The following WWC2 variants were observed in gnomAD, a reference collection of about 807,000 sequenced individuals.
WWC2 encodes WW and C2 domain containing 2, also known as protein WWC2.
WWC2 carries 101 observed loss-of-function variants against 138.5 expected under a neutral mutation model. The observed-to-expected ratio is 0.73, with a 90% CI of 0.62 to 0.86. The LOEUF (loss-of-function observed/expected upper bound fraction) is 0.86, where lower values mean the gene tolerates loss of function less well. Ranked by LOEUF, WWC2 falls within the 40% of genes least tolerant of loss-of-function variation. WWC2 has a pLI of 0.00. For missense variants in WWC2, 1,420 were observed against 1,419.4 expected, an observed-to-expected ratio of 1.00 and a Z score of -0.01; for synonymous variants, 558 against 538.4, an observed-to-expected ratio of 1.04 and a Z score of -0.50.
At chr4:183,185,832 T>C (rs528740889) in intron 1 of WWC2, among the ~76,000 whole-genome samples, 10 of 152,292 alleles carry the variant, frequency 6.6e-5, no homozygotes, top group Non-Finnish European at 8.8e-5. Context: ...TTGCAGAGTT[T>C]TATGTATGTA....
Position 183,107,471 on chromosome 4 carries a change from A to G in WWC2, c.131+7849A>G, listed in dbSNP as rs141405970. On this transcript the variant is annotated intron_variant, in intron 1 of 22. Transcript: ENST00000403733. ...CCTCACTTCTTTCTTTTTTTTAAAA[A>G]GTTATTTTAGTGGGTGTGAGGTAGG... 2.1e-3 allele frequency among the ~76,000 whole-genome samples: 313 copies of G among 152,188 alleles called. 6 individuals carry two copies. In the East Asian group the frequency reaches 0.052, roughly 25 times the overall value.
intron 1 of WWC2, among the ~76,000 whole-genome samples, chr4:183,146,317 G>A (rs1358498375): frequency 6.6e-6 from 1 of 152,070 alleles, no homozygotes; most frequent in African/African-American, 2.4e-5. Flanking sequence ...ACTTTGAGAG[G>A]GCACTATTCC....
intron 4 of WWC2, among the ~76,000 whole-genome samples, chr4:183,236,794 T>G (rs61154116): frequency 0.011 from 1,682 of 152,320 alleles, 35 homozygotes; most frequent in African/African-American, 0.039. Flanking sequence ...TTTCTGTATC[T>G]GTGAAAGGAT....
chr4:183,177,096 A>C (rs972570738), intron 1 of WWC2, among the ~76,000 whole-genome samples: 1 of 152,174 alleles, frequency 6.6e-6, no homozygotes, highest in African/African-American at 2.4e-5. Flanking sequence ...GGAGGACTAG[A>C]GCAATAAAGG....
chr4:183,170,282 G>A (rs536285914), intron 1 of WWC2, among the ~76,000 whole-genome samples: 3 of 152,244 alleles, frequency 2.0e-5, no homozygotes, highest in Admixed American at 6.5e-5. Flanking sequence ...TCACAATGGG[G>A]GACCAGCTAA....
intron 4 of WWC2, 96 bp downstream of exon 4, chr4:183,209,121 G>C: frequency 1.2e-6 from 1 of 856,408 alleles, no homozygotes; most frequent in Non-Finnish European, 1.8e-6. Context: ...ATCTCCATTT[G>C]GTGTAGAAAA....
At chr4:183,124,121 A>G (rs1177326287) in intron 1 of WWC2, among the ~76,000 whole-genome samples, 7 of 152,208 alleles carry the variant, frequency 4.6e-5, no homozygotes, top group Non-Finnish European at 8.8e-5. Flanking sequence ...CTAGATAGCC[A>G]TATAGATACC....
At chr4:183,216,422 A>G (rs1735759460) in intron 4 of WWC2, among the ~76,000 whole-genome samples, 1 of 152,238 alleles carries the variant, frequency 6.6e-6, no homozygotes, top group Non-Finnish European at 1.5e-5. Flanking sequence ...CAACAAGAAG[A>G]CATTTTGCCT....
chr4:183,212,438 G>A (rs574362449), intron 4 of WWC2, among the ~76,000 whole-genome samples: 81 of 152,184 alleles, frequency 5.3e-4, no homozygotes, highest in African/African-American at 1.9e-3. Context: ...GTGTCTATAT[G>A]TTTGTTTCTG....
Position 183,289,554 on chromosome 4 carries a change from A to G in WWC2, c.3303A>G (p.Lys1101=), listed in dbSNP as rs112289906. 6.2e-7 allele frequency: 1 copy of G among 1,613,986 alleles called. No individual in the cohort carries two copies. Among genetic ancestry groups the G allele is most frequent in the South Asian group, 1.1e-5 (1 of 91,082 alleles). The change falls in exon 21 of 23, where the codon AAA becomes AAG. Residue 1101 remains lysine, a synonymous_variant. Transcript: ENST00000403733. ...RDLRQKLEEL[K]AQGETDLPPG... ...TGCGGCAGAAGCTGGAGGAACTGAA[A>G]GCTCAGGGAGAGACTGACCTTCCAC...
At chr4:183,248,971 G>C in intron 7 of WWC2, 111 bp downstream of exon 7, 1 of 1,066,448 alleles carries the variant, frequency 9.4e-7, no homozygotes, top group East Asian at 2.7e-5. Context: ...TTCTGGCTGT[G>C]TGCATTCAGT....
intron 2 of WWC2, among the ~76,000 whole-genome samples, chr4:183,205,557 TTTG>T (rs1735425401): frequency 6.6e-6 from 1 of 152,150 alleles, no homozygotes; most frequent in Non-Finnish European, 1.5e-5. Flanking sequence ...TAAAGTTGGT[TTTG>T]TTGTTGTTGT....
chr4:183,132,534 A>G (rs572899138), intron 1 of WWC2, among the ~76,000 whole-genome samples: 1 of 151,744 alleles, frequency 6.6e-6, no homozygotes, highest in African/African-American at 2.4e-5. Flanking sequence ...GCTCACTGCA[A>G]GCTCCGCCTC....
intron 19 of WWC2, among the ~76,000 whole-genome samples, chr4:183,284,836 A>G (rs140081698): frequency 3.6e-4 from 55 of 152,358 alleles, no homozygotes; most frequent in African/African-American, 1.3e-3. Context: ...GCTTATAAAC[A>G]CTGAATCACA....
intron 1 of WWC2, among the ~76,000 whole-genome samples, chr4:183,108,368 T>A (rs1394225776): frequency 6.6e-6 from 1 of 152,006 alleles, no homozygotes; most frequent in Non-Finnish European, 1.5e-5. Context: ...TCCAGTCTAA[T>A]CTTGAGAAAA....
chr4:183,128,081 C>T (rs1732812916), intron 1 of WWC2, among the ~76,000 whole-genome samples: 2 of 151,592 alleles, frequency 1.3e-5, no homozygotes, highest in South Asian at 4.2e-4. Flanking sequence ...TGGCTCATGC[C>T]TGTAATCCCA....
intron 4 of WWC2, among the ~76,000 whole-genome samples, chr4:183,231,947 T>C (rs1201646692): frequency 6.6e-6 from 1 of 152,186 alleles, no homozygotes; most frequent in Admixed American, 6.5e-5. Flanking sequence ...ATACAGGTTT[T>C]GACACAGGAG....
Position 183,193,729 on chromosome 4 carries a change from A to G in WWC2, c.241+21A>G, listed in dbSNP as rs527561374. 11 of 1,578,762 alleles carry G rather than the reference A, an allele frequency of 7.0e-6. No homozygotes were observed. In the East Asian group the frequency reaches 2.5e-4, roughly 35 times the overall value. ...CAACAGTAAGTTTTCCTTTTTGGTA[A>G]AAGCAAACATATCAGAAAAGTAATC... On this transcript the variant is annotated intron_variant, in intron 2 of 22. Transcript: ENST00000403733.
chr4:183,143,818 C>A (rs1238638556), intron 1 of WWC2, among the ~76,000 whole-genome samples: 6 of 149,114 alleles, frequency 4.0e-5, no homozygotes, highest in African/African-American at 1.3e-4. Context: ...ACCTCCTCCC[C>A]GCAAAAAAAA....
Sources: gnomAD v4.1 joint callset for allele counts (sites outside exome capture counted in the v4.1 genomes callset) on GRCh38, gnomAD v4.1.1 for gene constraint, MANE v1.5 for transcripts, NCBI Gene and HGNC (gene_info 2026-07-23, HGNC 2026-07-21) for gene names.